Variants in TRIM9 observed in about 807,000 individuals in gnomAD.
TRIM9 encodes the protein tripartite motif containing 9, also known as E3 ubiquitin-protein ligase TRIM9.
TRIM9 carries 26 observed loss-of-function variants against 78.3 expected under a neutral mutation model. The observed-to-expected ratio is 0.33, with a 90% CI of 0.24 to 0.46. The LOEUF is 0.46. Ranked by LOEUF, TRIM9 falls within the 20% of genes least tolerant of loss-of-function variation. TRIM9 has a pLI of 1.00. For synonymous variants in TRIM9, 398 were observed against 416.5 expected (o/e 0.96, Z 0.54); for missense variants, 787 against 1,036.4 (o/e 0.76, Z 3.30).
chr14:51,014,255 T>A (rs1009914416), intron 3 of TRIM9, among the ~76,000 whole-genome samples: 1 of 152,214 alleles, frequency 6.6e-6, no homozygotes, highest in Non-Finnish European at 1.5e-5. Context: ...GAAGGAGCTA[T>A]CTGAGTGCTG....
intron 1 of TRIM9, among the ~76,000 whole-genome samples, chr14:51,029,925 C>T (rs187595397): frequency 5.3e-5 from 8 of 152,262 alleles, no homozygotes; most frequent in East Asian, 1.9e-4. Flanking sequence ...GTTTAATCCA[C>T]GGTGAGAGCA....
At position 51,046,132 on chromosome 14, in the gene TRIM9, G is replaced by C. The variant is rs374465844; in HGVS notation, c.823-20772C>G. 8.3e-4 allele frequency among the ~76,000 whole-genome samples: 124 copies of C among 150,184 alleles called. 1 individual carries two copies. The South Asian group carries it at 0.022, about 27-fold the overall frequency. ...AGAAATGGAGGACAGTTTAGTAGTA[G>C]CCAGGGATTAGGGATGGGGACAGGG... On this transcript the variant is annotated intron_variant, in intron 1 of 12. Coordinates refer to ENST00000684578, the MANE Select transcript of TRIM9 (RefSeq NM_001387360.1).
At chr14:51,063,659 A>G (rs930352115) in intron 1 of TRIM9, among the ~76,000 whole-genome samples, 2 of 152,144 alleles carry the variant, frequency 1.3e-5, no homozygotes, top group African/African-American at 4.8e-5. Flanking sequence ...ACCAAAAACA[A>G]AAAAGGAAAG....
intron 3 of TRIM9, among the ~76,000 whole-genome samples, chr14:51,015,500 CTTTTCTTT>C (rs1566580222): frequency 1.1e-4 from 11 of 103,486 alleles, no homozygotes; most frequent in Admixed American, 3.2e-4. Flanking sequence ...TCTTTCTTTA[CTTTTCTTT>C]TTTTTTTTTT....
At chr14:51,005,965 G>C (rs577900595) in intron 5 of TRIM9, among the ~76,000 whole-genome samples, 44 of 152,310 alleles carry the variant, frequency 2.9e-4, no homozygotes, top group African/African-American at 1.0e-3. Flanking sequence ...CAGCTGGTCT[G>C]AGTGAAAATA....
chr14:51,062,660 G>T (rs1027394127), intron 1 of TRIM9, among the ~76,000 whole-genome samples: 9 of 152,134 alleles, frequency 5.9e-5, no homozygotes, highest in African/African-American at 1.9e-4. Context: ...GTGAGGGAAG[G>T]CAGAATTTTA....
intron 1 of TRIM9, among the ~76,000 whole-genome samples, chr14:51,077,833 A>G (rs1330092102): frequency 6.6e-6 from 1 of 152,214 alleles, no homozygotes; most frequent in Non-Finnish European, 1.5e-5. Context: ...CTTGGTTTCA[A>G]TACATTATAA....
At chr14:51,019,405 A>G (rs11844384) in intron 3 of TRIM9, among the ~76,000 whole-genome samples, 61,677 of 152,042 alleles carry the variant, frequency 0.41, 12,826 homozygotes, top group South Asian at 0.66. Flanking sequence ...TATAATTTAC[A>G]TTTCAAACAG....
chr14:51,080,696 T>C (rs1193801170), intron 1 of TRIM9, among the ~76,000 whole-genome samples: 1 of 152,214 alleles, frequency 6.6e-6, no homozygotes, highest in Non-Finnish European at 1.5e-5. Flanking sequence ...GCCACCTTTT[T>C]GACACCTGGA....
Position 51,094,180 on chromosome 14 carries a change from C to T in TRIM9, c.760G>A (p.Glu254Lys). 1 of 1,614,262 alleles carries T rather than the reference C, an allele frequency of 6.2e-7. No homozygotes were observed. The highest frequency in any genetic ancestry group is 8.5e-7 in the Non-Finnish European group (1 of 1,180,046). The stretch of plus-strand genomic sequence containing the variant: ...TCGTGGCTGGAGTGTTTGCCCTCCT[C>T]CAAGCACTGGTAGCACACGGGCATC... Reference protein sequence around the residue: ...CKMPVCYQCLEEGKHSSHEVK... With the variant: ...CKMPVCYQCLKEGKHSSHEVK... Residue 254 changes from glutamate (E) to lysine (K), a missense_variant, in exon 1 of 13, where the codon GAG becomes AAG. Glu to Lys is a moderately conservative substitution (Grantham distance 56). Coordinates refer to ENST00000684578, the MANE Select transcript of TRIM9 (RefSeq NM_001387360.1).
chr14:50,992,131 C>T (rs1162419082), intron 7 of TRIM9, among the ~76,000 whole-genome samples: 1 of 152,142 alleles, frequency 6.6e-6, no homozygotes, highest in East Asian at 1.9e-4. Flanking sequence ...CACTGTCCTC[C>T]TTGGAATTTT....
Position 51,009,242 on chromosome 14 carries a change from A to G in TRIM9, c.1153-9T>C, listed in dbSNP as rs1159000628. 6.2e-7 allele frequency: 1 copy of G among 1,613,882 alleles called. No individual in the cohort carries two copies. Among genetic ancestry groups the G allele is most frequent in the South Asian group, 1.1e-5 (1 of 91,072 alleles). On this transcript the variant is annotated splice_polypyrimidine_tract_variant and intron_variant, in intron 4 of 12. Transcript: ENST00000684578. ...ATGAGGGCGTCAGAAATCTAATCAG[A>G]TAAAGAGGACCACAGCCTAAGAAAT...
intron 3 of TRIM9, among the ~76,000 whole-genome samples, chr14:51,021,076 G>A (rs966618211): frequency 6.6e-6 from 1 of 152,186 alleles, no homozygotes; most frequent in Admixed American, 6.5e-5. Context: ...ATTTTATACA[G>A]TTCTATGTGA....
At chr14:51,055,377 T>G (rs1222433904) in intron 1 of TRIM9, among the ~76,000 whole-genome samples, 3 of 152,208 alleles carry the variant, frequency 2.0e-5, no homozygotes, top group Non-Finnish European at 4.4e-5. Context: ...CCAAACATCA[T>G]GTCCACATCC....
At chr14:51,030,610 T>C (rs12433809) in intron 1 of TRIM9, among the ~76,000 whole-genome samples, 10,499 of 152,142 alleles carry the variant, frequency 0.069, 445 homozygotes, top group Middle Eastern at 0.11. Flanking sequence ...TGAGTGTGCA[T>C]ATGCCTGTGA....
At chr14:51,030,982 A>C (rs1399627213) in intron 1 of TRIM9, among the ~76,000 whole-genome samples, 1 of 151,942 alleles carries the variant, frequency 6.6e-6, no homozygotes, top group Non-Finnish European at 1.5e-5. Context: ...CCTTGTCTCT[A>C]CTGAAAATAC....
chr14:51,010,787 A>G (rs2056472873), intron 3 of TRIM9, among the ~76,000 whole-genome samples: 1 of 152,178 alleles, frequency 6.6e-6, no homozygotes. Context: ...TCCAAAGGTC[A>G]CTTTGCCCTG....
chr14:51,002,875 G>T (rs1404638232), intron 5 of TRIM9, among the ~76,000 whole-genome samples: 1 of 152,202 alleles, frequency 6.6e-6, no homozygotes, highest in Non-Finnish European at 1.5e-5. Flanking sequence ...TGTTAAAACT[G>T]CAGGCAATTG....
Position 51,034,480 on chromosome 14 carries a change from G to A in TRIM9, c.823-9120C>T, listed in dbSNP as rs376582628. On this transcript the variant is annotated intron_variant, in intron 1 of 12. Coordinates refer to ENST00000684578, the MANE Select transcript of TRIM9 (RefSeq NM_001387360.1). ...TGAAAATATTTAGAGTGACATACAG[G>A]AAAGAAGTACATTCATCACCTTCAG... Among the ~76,000 whole-genome samples the A allele has an allele frequency of 5.3e-5, 8 of 152,230 alleles. No individual in the cohort carries two copies. In the East Asian group the frequency reaches 7.7e-4, roughly 15 times the overall value.
Sources: gnomAD v4.1 joint callset for allele counts (sites outside exome capture counted in the v4.1 genomes callset) on GRCh38, gnomAD v4.1.1 for gene constraint, MANE v1.5 for transcripts, NCBI Gene and HGNC (gene_info 2026-07-23, HGNC 2026-07-21) for gene names.